The following CABLES1 variants were observed in gnomAD, a reference collection of about 807,000 sequenced individuals.
CABLES1 encodes Cdk5 and Abl enzyme substrate 1.
Under a neutral mutation model 57.8 loss-of-function variants are expected in CABLES1, and 36 were observed. That is an observed-to-expected ratio of 0.62 (90% CI 0.48 to 0.82). The LOEUF (loss-of-function observed/expected upper bound fraction) is 0.82, where lower values mean the gene tolerates loss of function less well. CABLES1 is among the 40% of genes least tolerant of loss of function. CABLES1 has a pLI of 0.00. For missense variants in CABLES1, 767 were observed against 836.6 expected, an observed-to-expected ratio of 0.92 and a Z score of 1.03; for synonymous variants, 374 against 363.0, an observed-to-expected ratio of 1.03 and a Z score of -0.35.
Position 23,213,956 on chromosome 18 carries a change from GTTC to G in CABLES1, c.1011-15_1011-13del, listed in dbSNP as rs1360150408. 7 of 1,504,306 alleles carry G rather than the reference GTTC, an allele frequency of 4.7e-6. No homozygotes were observed. Among genetic ancestry groups the G allele is most frequent in the East Asian group, 2.3e-5 (1 of 44,232 alleles). 93.2% of individuals were successfully genotyped at this position (1,504,306 alleles called of 1,614,324 possible). A position where few individuals can be genotyped will look rare whatever the true frequency, so the allele number is the denominator to read the frequency against. On this transcript the variant is annotated intron_variant, in intron 3 of 9. Transcript: ENST00000256925. The stretch of plus-strand genomic sequence containing the variant: ...TTTGCATTTAGTGTGTTTGTTGTTT[GTTC>G]TTCTTTTTATTTTTTAGAATAGTCC...
At chr18:23,207,520 T>A (rs2047372869) in intron 3 of CABLES1, among the ~76,000 whole-genome samples, 1 of 152,154 alleles carries the variant, frequency 6.6e-6, no homozygotes, top group South Asian at 2.1e-4. Flanking sequence ...TCTTCCTGTG[T>A]GTTCAGTAGC....
At chr18:23,190,003 G>A (rs773656248) in intron 2 of CABLES1, among the ~76,000 whole-genome samples, 1 of 152,368 alleles carries the variant, frequency 6.6e-6, no homozygotes, top group Admixed American at 6.5e-5. Flanking sequence ...CACTTTTGGA[G>A]TCTTTTTCAA....
chr18:23,233,309 C>G (rs144733337), intron 4 of CABLES1, among the ~76,000 whole-genome samples: 166 of 152,192 alleles, frequency 1.1e-3, no homozygotes, highest in African/African-American at 3.9e-3. Flanking sequence ...GGGTGTGGTC[C>G]TTTGAGGTGT....
rs147643756 is a variant in CABLES1 at position 23,135,729 on chromosome 18, G to C, written c.-34G>C. On this transcript the variant is annotated 5_prime_UTR_variant, in exon 1 of 10. Transcript: ENST00000256925. ...GCGCTCGGGCGCCGCTCGCTTCTCC[G>C]GGCATCGCGGAAATCCCGCCGCAGA... The C allele has an allele frequency of 2.6e-5, 26 of 986,850 alleles. No individual in the cohort carries two copies. The highest frequency in any genetic ancestry group is 3.5e-5 in the African/African-American group (2 of 56,924). 61.1% of individuals were successfully genotyped at this position (986,850 alleles called of 1,614,324 possible). A position where few individuals can be genotyped will look rare whatever the true frequency, so the allele number is the denominator to read the frequency against.
At chr18:23,225,518 T>C (rs2047521515) in intron 4 of CABLES1, among the ~76,000 whole-genome samples, 1 of 152,120 alleles carries the variant, frequency 6.6e-6, no homozygotes. Context: ...AATCCTACCT[T>C]TCAAAACAAG....
At chr18:23,200,972 G>GATGAGTGAT (rs1184228249) in intron 3 of CABLES1, among the ~76,000 whole-genome samples, 1 of 152,158 alleles carries the variant, frequency 6.6e-6, no homozygotes, top group Non-Finnish European at 1.5e-5. Flanking sequence ...CTGCAGCATA[G>GATGAGTGAT]ATGAGTGATT....
intron 1 of CABLES1, among the ~76,000 whole-genome samples, chr18:23,169,441 A>G (rs545784609): frequency 2.0e-5 from 3 of 152,318 alleles, no homozygotes; most frequent in South Asian, 2.1e-4. Flanking sequence ...TGTTATGTCC[A>G]CTAGGTCCCA....
chr18:23,246,147 C>T (rs1487533229), intron 7 of CABLES1, among the ~76,000 whole-genome samples: 1 of 151,930 alleles, frequency 6.6e-6, no homozygotes, highest in African/African-American at 2.4e-5. Flanking sequence ...ACCTGTTGTC[C>T]CAGCTACTCA....
chr18:23,139,754 T>C (rs1568039824), intron 1 of CABLES1, among the ~76,000 whole-genome samples: 1 of 152,174 alleles, frequency 6.6e-6, no homozygotes, highest in Non-Finnish European at 1.5e-5. Flanking sequence ...GAGGCACATA[T>C]GATAATCTAA....
At chr18:23,185,361 G>A (rs1288202740) in intron 1 of CABLES1, among the ~76,000 whole-genome samples, 1 of 152,198 alleles carries the variant, frequency 6.6e-6, no homozygotes, top group Non-Finnish European at 1.5e-5. Context: ...GGACGCAGGG[G>A]CTTCAGAGAC....
At chr18:23,160,565 C>T (rs780319009) in intron 1 of CABLES1, among the ~76,000 whole-genome samples, 2 of 152,172 alleles carry the variant, frequency 1.3e-5, no homozygotes, top group African/African-American at 4.8e-5. Context: ...GAGGTTATTA[C>T]AGCAGAAAGC....
intron 7 of CABLES1, among the ~76,000 whole-genome samples, chr18:23,243,491 G>A (rs886344194): frequency 1.8e-4 from 22 of 123,502 alleles, no homozygotes; most frequent in Non-Finnish European, 3.7e-4. Context: ...TTTTTTTTTG[G>A]TCTTTTTGTT....
intron 3 of CABLES1, among the ~76,000 whole-genome samples, chr18:23,200,553 T>C (rs142311320): frequency 7.8e-4 from 118 of 152,124 alleles, no homozygotes; most frequent in East Asian, 7.2e-3. Context: ...TGAGCCACCG[T>C]GCCCGGTCAG....
At chr18:23,156,652 C>A (rs986649549) in intron 1 of CABLES1, among the ~76,000 whole-genome samples, 2 of 152,184 alleles carry the variant, frequency 1.3e-5, no homozygotes, top group African/African-American at 4.8e-5. Flanking sequence ...TCTGGTCACA[C>A]GTTTCCGTCA....
chr18:23,179,168 C>A (rs1266046359), intron 1 of CABLES1, among the ~76,000 whole-genome samples: 1 of 151,872 alleles, frequency 6.6e-6, no homozygotes, highest in Non-Finnish European at 1.5e-5. Flanking sequence ...TCCCTGTAAT[C>A]CCAGCTACTC....
At chr18:23,220,716 G>A (rs908016122) in intron 4 of CABLES1, among the ~76,000 whole-genome samples, 2 of 152,186 alleles carry the variant, frequency 1.3e-5, no homozygotes, top group Admixed American at 1.3e-4. Context: ...GCCCTCTGGG[G>A]ACACCAGCTG....
rs2046815673 is a variant in CABLES1, at chr18:23,135,913, C to T, written c.151C>T (p.Pro51Ser). The T allele has an allele frequency of 3.7e-6, 4 of 1,084,216 alleles. No homozygotes were observed. Among genetic ancestry groups the T allele is most frequent in the Non-Finnish European group, 4.5e-6 (4 of 897,070 alleles). The allele number at this position is 1,084,216 out of a possible 1,614,324, so 67.2% of individuals were successfully genotyped here. ...AAAPAQPPPEPPRKPRMDPRR... is the reference protein window; with the variant it reads ...AAAPAQPPPESPRKPRMDPRR... ...CGCGCCGGCCCAGCCGCCGCCCGAA[C>T]CCCCCCGGAAGCCGCGCATGGACCC... Residue 51 changes from proline (P) to serine (S), a missense_variant, in exon 1 of 10, where the codon CCC (proline) becomes TCC (serine). Transcript: ENST00000256925.
Position 23,243,468 on chromosome 18 carries a change from GTTTTTTTT to G in CABLES1, c.1446+6237_1446+6244del, listed in dbSNP as rs551293348. On this transcript the variant is annotated intron_variant, in intron 7 of 9. Transcript: ENST00000256925. ...GGGTTGTTTTGGGTGTGGGTTTGGT[GTTTTTTTT>G]TTTTTTTTTTTTTGGTCTTTTTGTT... 6.9e-5 allele frequency among the ~76,000 whole-genome samples: 7 copies of G among 101,878 alleles called. 1 individual carries two copies. Among genetic ancestry groups the G allele is most frequent in the African/African-American group, 2.5e-4 (7 of 27,482 alleles). The allele number at this position is 101,878 out of a possible 152,430, so 66.8% of individuals were successfully genotyped here.
intron 7 of CABLES1, among the ~76,000 whole-genome samples, chr18:23,251,658 T>G (rs1245422812): frequency 2.0e-5 from 3 of 152,082 alleles, no homozygotes; most frequent in African/African-American, 7.2e-5. Flanking sequence ...TTCTCCAATT[T>G]AGAAAGAGGG....
Sources: allele counts gnomAD v4.1 joint callset (sites outside exome capture counted in the v4.1 genomes callset), GRCh38; gene constraint gnomAD v4.1.1; transcripts MANE v1.5; gene names NCBI Gene and HGNC (gene_info 2026-07-23, HGNC 2026-07-21).